The following ME2 variants were observed in gnomAD, a reference collection of about 807,000 sequenced individuals.
ME2 encodes the protein malic enzyme 2.
Under a neutral mutation model 73.7 loss-of-function variants are expected in ME2, and 60 were observed. That is an observed-to-expected ratio of 0.81 (90% confidence interval 0.66 to 1.01). ME2 has a LOEUF of 1.01. Among genes scored for constraint, ME2 ranks in the 50% least tolerant of loss-of-function variants. The pLI is 0.00. For missense variants in ME2, 594 were observed against 705.5 expected, an observed-to-expected ratio of 0.84 and a Z score of 1.79; for synonymous variants, 199 against 236.9, an observed-to-expected ratio of 0.84 and a Z score of 1.47.
At chr18:50,907,256 CT>C (rs1297978616) in intron 2 of ME2, among the ~76,000 whole-genome samples, 2 of 152,142 alleles carry the variant, frequency 1.3e-5, no homozygotes, top group Non-Finnish European at 2.9e-5. Flanking sequence ...GCCCTGGTGG[CT>C]TCCAGGCTGC....
At chr18:50,918,061 A>T in intron 6 of ME2, 49 bp from the exon 7 acceptor site, 1 of 1,265,850 alleles carries the variant, frequency 7.9e-7, no homozygotes, top group Non-Finnish European at 1.1e-6. Flanking sequence ...GTATGTGTTT[A>T]AACTGATTAT....
Position 50,938,747 on chromosome 18 carries a change from G to A in ME2, c.1418-823G>A, listed in dbSNP as rs542881750. ...AGGATGACAGCTCCATAGCTGGAAT[G>A]GGGGACAACCAGACCAGAATGGAGC... On this transcript the variant is annotated intron_variant, in intron 13 of 15. Coordinates refer to ENST00000321341, the MANE Select transcript of ME2 (RefSeq NM_002396.5). Among the ~76,000 whole-genome samples, 5 of 152,256 alleles carry A rather than the reference G, an allele frequency of 3.3e-5. No individual in the cohort carries two copies. The East Asian group carries it at 9.7e-4, about 29-fold the overall frequency.
At chr18:50,918,601 C>T (rs1342012721) in intron 7 of ME2, among the ~76,000 whole-genome samples, 1 of 152,172 alleles carries the variant, frequency 6.6e-6, no homozygotes, top group Admixed American at 6.5e-5. Context: ...TACCTCTTTG[C>T]ACCGTCAACT....
chr18:50,940,046 T>G, intron 14 of ME2: 1 of 476,332 alleles, frequency 2.1e-6, no homozygotes, highest in Non-Finnish European at 3.7e-6. Context: ...CCATTGCAAT[T>G]AAGCCAAGCT....
Position 50,953,114 on chromosome 18 carries a change from T to G in ME2, c.*5930T>G, listed in dbSNP as rs1366210912. 6.6e-6 allele frequency: 1 copy of G among 151,768 alleles called. No individual in the cohort carries two copies. The highest frequency in any genetic ancestry group is 2.4e-5 in the African/African-American group (1 of 41,262). The allele number at this position is 151,768 out of a possible 1,614,324, so 9.4% of individuals were successfully genotyped here. A position where few individuals can be genotyped will look rare whatever the true frequency, so the allele number is the denominator to read the frequency against. On this transcript the variant is annotated 3_prime_UTR_variant, in exon 16 of 16. Coordinates refer to ENST00000321341, the MANE Select transcript of ME2 (RefSeq NM_002396.5). Reference sequence around the variant, plus strand: ...ATTCTTTTTTTTTTTTTTTTTTCTTTTCTTTGAGACAGCCTTGCTCTGTCT... The same window carrying G: ...ATTCTTTTTTTTTTTTTTTTTTCTTGTCTTTGAGACAGCCTTGCTCTGTCT...
intron 15 of ME2, among the ~76,000 whole-genome samples, chr18:50,946,193 G>C (rs1043678531): frequency 6.6e-6 from 1 of 152,152 alleles, no homozygotes; most frequent in Admixed American, 6.6e-5. Context: ...TACCCTGTGA[G>C]GAAGTGTTTC....
Position 50,948,491 on chromosome 18 carries a change from A to G in ME2, c.*1307A>G, listed in dbSNP as rs565741959. The G allele has an allele frequency of 2.0e-5, 3 of 152,230 alleles. No homozygotes were observed. In the South Asian group the frequency reaches 6.2e-4, roughly 32 times the overall value. The allele number at this position is 152,230 out of a possible 1,614,324, so 9.4% of individuals were successfully genotyped here. A position where few individuals can be genotyped will look rare whatever the true frequency, so the allele number is the denominator to read the frequency against. On this transcript the variant is annotated 3_prime_UTR_variant, in exon 16 of 16. Coordinates refer to ENST00000321341, the MANE Select transcript of ME2 (RefSeq NM_002396.5). The stretch of plus-strand genomic sequence containing the variant: ...CAGTATTTGATATTGCTCTGTAGGA[A>G]AAAAGAGACTTCATTTTTTTCATCT...
intron 1 of ME2, among the ~76,000 whole-genome samples, chr18:50,887,080 G>A (rs1193397169): frequency 6.6e-6 from 1 of 152,228 alleles, no homozygotes; most frequent in African/African-American, 2.4e-5. Flanking sequence ...TGTTAAGTAA[G>A]AATATGAGAG....
chr18:50,926,891 TAATC>T lies in ME2; in HGVS notation c.1314+998_1314+1001del, dbSNP rs1391132333. The stretch of plus-strand genomic sequence containing the variant: ...GACTTAAAATCATGTACTGTAGAAA[TAATC>T]AATCTCTAAATACTGCTTTCTTGTA... On this transcript the variant is annotated intron_variant, in intron 12 of 15. Coordinates refer to ENST00000321341, the MANE Select transcript of ME2 (RefSeq NM_002396.5). 1.1e-4 allele frequency among the ~76,000 whole-genome samples: 17 copies of T among 152,374 alleles called. No homozygotes were observed. The South Asian group carries it at 1.2e-3, about 11-fold the overall frequency.
At chr18:50,930,976 C>T (rs971232823) in intron 12 of ME2, among the ~76,000 whole-genome samples, 1 of 152,208 alleles carries the variant, frequency 6.6e-6, no homozygotes, top group Non-Finnish European at 1.5e-5. Flanking sequence ...TGCTTCTACT[C>T]TTAAACCTTG....
rs749019256 is a variant in ME2 at position 50,939,603 on chromosome 18, G to A, written c.1451G>A (p.Arg484Gln). The change falls in exon 14 of 16, where the codon CGG (arginine) becomes CAG (glutamine). Residue 484 changes from arginine to glutamine, a missense_variant. Physicochemically the swap from Arg to Gln is conservative, Grantham distance 43. Transcript: ENST00000321341. Reference sequence around the variant, plus strand: ...TTAGCTGTTATTCTCTGTAACACCCGGCATATTAGTGACAGTGTTTTCCTA... The same window carrying A: ...TTAGCTGTTATTCTCTGTAACACCCAGCATATTAGTGACAGTGTTTTCCTA... ...VALAVILCNT[R>Q]HISDSVFLEA... The A allele has an allele frequency of 5.6e-6, 9 of 1,612,218 alleles. No homozygotes were observed. The highest frequency in any genetic ancestry group is 3.3e-5 in the Admixed American group (2 of 59,960).
chr18:50,930,231 G>A (rs1242279450), intron 12 of ME2, among the ~76,000 whole-genome samples: 2 of 152,132 alleles, frequency 1.3e-5, no homozygotes, highest in Non-Finnish European at 1.5e-5. Flanking sequence ...CTGAACTCCA[G>A]CCTGGGCAAC....
At chr18:50,907,567 G>A in intron 2 of ME2, among the ~76,000 whole-genome samples, 1 of 152,162 alleles carries the variant, frequency 6.6e-6, no homozygotes, top group Non-Finnish European at 1.5e-5. Context: ...TTATGACATA[G>A]ATTAATTTTT....
chr18:50,936,407 A>G (rs2144262605), intron 13 of ME2, among the ~76,000 whole-genome samples: 1 of 152,334 alleles, frequency 6.6e-6, no homozygotes, highest in African/African-American at 2.4e-5. Context: ...ATAATCCCAC[A>G]TAGAAACCCT....
intron 3 of ME2, among the ~76,000 whole-genome samples, chr18:50,908,969 T>G (rs1028637413): frequency 6.7e-6 from 1 of 149,704 alleles, no homozygotes; most frequent in African/African-American, 2.5e-5. Flanking sequence ...TTTTTTTTTT[T>G]TTGAGACAGG....
At chr18:50,887,761 C>T (rs1346917871) in intron 1 of ME2, among the ~76,000 whole-genome samples, 1 of 152,260 alleles carries the variant, frequency 6.6e-6, no homozygotes, top group East Asian at 1.9e-4. Flanking sequence ...CCACAACACA[C>T]AACGTGTATG....
At chr18:50,889,960 G>A (rs1916566454) in intron 1 of ME2, among the ~76,000 whole-genome samples, 1 of 152,182 alleles carries the variant, frequency 6.6e-6, no homozygotes, top group Non-Finnish European at 1.5e-5. Flanking sequence ...TGTTAATTAT[G>A]TCAAAGGTTT....
intron 1 of ME2, among the ~76,000 whole-genome samples, chr18:50,894,175 A>AGTG (rs1051664643): frequency 6.6e-6 from 1 of 152,192 alleles, no homozygotes; most frequent in Non-Finnish European, 1.5e-5. Flanking sequence ...GATGGATGGA[A>AGTG]GTGGTATGGG....
chr18:50,915,182 A>C (rs1426662025), intron 4 of ME2, among the ~76,000 whole-genome samples: 1 of 152,016 alleles, frequency 6.6e-6, no homozygotes, highest in Non-Finnish European at 1.5e-5. Flanking sequence ...TACAGTATAG[A>C]ATTCATATGG....
Sources: gnomAD v4.1 joint callset for allele counts (sites outside exome capture counted in the v4.1 genomes callset) on GRCh38, gnomAD v4.1.1 for gene constraint, MANE v1.5 for transcripts, NCBI Gene and HGNC (gene_info 2026-07-23, HGNC 2026-07-21) for gene names.